The following CFH variants were observed in gnomAD, a reference collection of about 807,000 sequenced individuals.
CFH encodes the protein complement factor H.
In CFH, 53 loss-of-function variants were observed where a neutral mutation model predicts 147.3. The observed-to-expected ratio is 0.36, with a 90% CI of 0.29 to 0.45. The LOEUF (loss-of-function observed/expected upper bound fraction) is 0.45, where lower values mean the gene tolerates loss of function less well. Ranked by LOEUF, CFH falls within the 20% of genes least tolerant of loss-of-function variation. The pLI is 1.00. For synonymous variants in CFH, 536 were observed against 489.4 expected, an observed-to-expected ratio of 1.10 and a Z score of -1.26; for missense variants, 1,380 against 1,498.0, an observed-to-expected ratio of 0.92 and a Z score of 1.30.
chr1:196,744,636 G>GT (rs1652938529), intron 20 of CFH, among the ~76,000 whole-genome samples: 1 of 152,052 alleles, frequency 6.6e-6, no homozygotes, highest in Non-Finnish European at 1.5e-5. Context: ...TCTCCACGTT[G>GT]TAAGTATAAA....
rs781020985 is a variant in CFH at position 196,726,804 on chromosome 1, C to T, written c.2100C>T (p.Gly700=). The change falls in exon 14 of 22, where the codon GGC becomes GGT. Residue 700 remains glycine, a synonymous_variant. Coordinates refer to ENST00000367429, the MANE Select transcript of CFH (RefSeq NM_000186.4). ...TCGDIPELEH[G]WAQLSSPPYY... ...GAGATATACCTGAACTTGAACATGGCTGGGCCCAGCTTTCTTCCCCTCCTT... is the reference window on the plus strand; with the variant it reads ...GAGATATACCTGAACTTGAACATGGTTGGGCCCAGCTTTCTTCCCCTCCTT... 6.2e-7 allele frequency: 1 copy of T among 1,613,834 alleles called. No homozygotes were observed. The highest frequency in any genetic ancestry group is 1.1e-5 in the South Asian group (1 of 91,084).
At position 196,726,926 on chromosome 1, in the gene CFH, T is replaced by A; in HGVS notation, c.2222T>A (p.Leu741His). The change falls in exon 14 of 22, where the codon CTT becomes CAT. Residue 741 changes from leucine to histidine, a missense_variant. Around this residue, in one of 4 missense-constraint regions of CFH, gnomAD observed 830 missense variants for 821.4 expected, o/e 1.01. Transcript: ENST00000367429. The stretch of plus-strand genomic sequence containing the variant: ...TGTATTCATGGAGTATGGACCCAAC[T>A]TCCCCAGTGTGTGGGTGAGAATACC... ...ITCIHGVWTQ[L>H]PQCVAIDKLK... The A allele has an allele frequency of 1.2e-6, 2 of 1,613,088 alleles. No individual in the cohort carries two copies. Among genetic ancestry groups the A allele is most frequent in the Non-Finnish European group, 1.7e-6 (2 of 1,179,190 alleles).
intron 9 of CFH, among the ~76,000 whole-genome samples, chr1:196,696,228 A>G (rs556865886): frequency 1.3e-5 from 2 of 152,250 alleles, no homozygotes; most frequent in Non-Finnish European, 2.9e-5. Context: ...CTCCCCAGCA[A>G]ACGCAAAAGA....
intron 20 of CFH, among the ~76,000 whole-genome samples, chr1:196,744,593 G>T (rs1652936630): frequency 6.6e-6 from 1 of 151,990 alleles, no homozygotes; most frequent in East Asian, 1.9e-4. Context: ...ACTGGAATAT[G>T]GAAACCTTAC....
At chr1:196,738,168 A>C (rs1333102450) in intron 17 of CFH, among the ~76,000 whole-genome samples, 1 of 152,190 alleles carries the variant, frequency 6.6e-6, no homozygotes, top group Non-Finnish European at 1.5e-5. Context: ...CCATTATTCA[A>C]CTACTTCCTA....
At position 196,725,277 on chromosome 1, in the gene CFH, C is replaced by G; in HGVS notation, c.1853C>G (p.Pro618Arg). The change falls in exon 12 of 22, where the codon CCT becomes CGT. Residue 618 changes from proline to arginine, a missense_variant. Transcript: ENST00000367429. Reference protein sequence around the residue: ...SVQCYHFGLSPDLPICKEQVQ... With the variant: ...SVQCYHFGLSRDLPICKEQVQ... ...CAGTGCTACCACTTTGGATTGTCTC[C>G]TGACCTCCCAATATGTAAAGGTGAA... 1 of 1,613,814 alleles carries G rather than the reference C, an allele frequency of 6.2e-7. No homozygotes were observed. The highest frequency in any genetic ancestry group is 8.5e-7 in the Non-Finnish European group (1 of 1,179,832).
intron 9 of CFH, among the ~76,000 whole-genome samples, chr1:196,694,083 A>T (rs1358441101): frequency 6.6e-6 from 1 of 151,612 alleles, no homozygotes; most frequent in Non-Finnish European, 1.5e-5. Flanking sequence ...GGTTTGCTGC[A>T]CCCATCAACC....
intron 11 of CFH, among the ~76,000 whole-genome samples, chr1:196,718,861 T>C (rs1668933101): frequency 1.3e-5 from 2 of 152,018 alleles, no homozygotes; most frequent in Admixed American, 1.3e-4. Context: ...TAACTAGGAA[T>C]TTGCTAGTAT....
chr1:196,708,623 A>G (rs1668651330), intron 9 of CFH, among the ~76,000 whole-genome samples: 1 of 151,926 alleles, frequency 6.6e-6, no homozygotes, highest in Admixed American at 6.6e-5. Context: ...GAAAAAATCC[A>G]TCAATAAATG....
intron 9 of CFH, among the ~76,000 whole-genome samples, chr1:196,695,265 T>C (rs1278179094): frequency 6.6e-6 from 1 of 152,186 alleles, no homozygotes; most frequent in Non-Finnish European, 1.5e-5. Flanking sequence ...CAATAGGGAA[T>C]CTTTTCCCTA....
intron 9 of CFH, among the ~76,000 whole-genome samples, chr1:196,698,709 T>A (rs1668361317): frequency 6.6e-6 from 1 of 152,132 alleles, no homozygotes; most frequent in Non-Finnish European, 1.5e-5. Context: ...GAAGGTCTCC[T>A]CCTTAACTCA....
At chr1:196,721,451 C>G (rs1668996543) in intron 11 of CFH, among the ~76,000 whole-genome samples, 1 of 151,972 alleles carries the variant, frequency 6.6e-6, no homozygotes, top group Non-Finnish European at 1.5e-5. Context: ...ATTTTGGGAA[C>G]TTGCTTTGTA....
chr1:196,728,407 A>T lies in CFH; in HGVS notation c.2298A>T (p.Lys766Asn). The change falls in exon 15 of 22, where the codon AAA becomes AAT. Residue 766 changes from lysine to asparagine, a missense_variant. This residue lies in a region of CFH where 830 missense variants were observed against 821.4 expected (regional missense o/e 1.01). Coordinates refer to ENST00000367429, the MANE Select transcript of CFH (RefSeq NM_000186.4). ...SNLIILEEHL[K>N]NKKEFDHNSN... is the part of the protein sequence containing the mutation. The stretch of plus-strand genomic sequence containing the variant: ...TAATTATACTTGAGGAACATTTAAA[A>T]AACAAGAAGGAATTCGATCATAATT... 6.2e-7 allele frequency: 1 copy of T among 1,605,756 alleles called. No homozygotes were observed. Among genetic ancestry groups the T allele is most frequent in the Non-Finnish European group, 8.5e-7 (1 of 1,174,220 alleles).
chr1:196,699,071 T>C (rs2149095174), intron 9 of CFH, among the ~76,000 whole-genome samples: 1 of 152,290 alleles, frequency 6.6e-6, no homozygotes, highest in Non-Finnish European at 1.5e-5. Context: ...ATAAGAGCTA[T>C]TTTTTAAAAA....
chr1:196,700,490 C>T (rs1449713489), intron 9 of CFH, among the ~76,000 whole-genome samples: 1 of 151,848 alleles, frequency 6.6e-6, no homozygotes, highest in Non-Finnish European at 1.5e-5. Flanking sequence ...CCTGTCTCTA[C>T]TAGAAATACA....
At chr1:196,720,164 G>T (rs1668966014) in intron 11 of CFH, among the ~76,000 whole-genome samples, 1 of 151,744 alleles carries the variant, frequency 6.6e-6, no homozygotes, top group African/African-American at 2.4e-5. Context: ...CATTGACTCT[G>T]CAATGACAGA....
rs757740317 is a variant in CFH, at chr1:196,726,747, TA to T, written c.2057-10del. 1 of 1,613,618 alleles carries T rather than the reference TA, an allele frequency of 6.2e-7. No homozygotes were observed. The highest frequency in any genetic ancestry group is 1.7e-5 in the Admixed American group (1 of 59,992). On this transcript the variant is annotated splice_polypyrimidine_tract_variant and intron_variant, in intron 13 of 21. Coordinates refer to ENST00000367429, the MANE Select transcript of CFH (RefSeq NM_000186.4). Reference sequence around the variant, plus strand: ...ATGTTTTCACAATAAACTTTTTTTGTAAAATTTACATAGTGGAGGAGAGTAC... The same window carrying T: ...ATGTTTTCACAATAAACTTTTTTTGTAAATTTACATAGTGGAGGAGAGTAC...
chr1:196,673,527 G>A (rs1667355096), intron 2 of CFH: 1 of 372,264 alleles, frequency 2.7e-6, no homozygotes, highest in Admixed American at 4.0e-5. Context: ...AGTAGAGATG[G>A]GGTTTCACCA....
intron 15 of CFH, among the ~76,000 whole-genome samples, chr1:196,732,207 T>C (rs1669296377): frequency 1.3e-5 from 2 of 152,060 alleles, no homozygotes; most frequent in South Asian, 4.1e-4. Flanking sequence ...TTCTCAGATT[T>C]GGTGATTTTC....
Sources: allele counts gnomAD v4.1 joint callset (sites outside exome capture counted in the v4.1 genomes callset), GRCh38; gene constraint gnomAD v4.1.1; regional missense constraint gnomAD v4.1.1; transcripts MANE v1.5; gene names NCBI Gene and HGNC (gene_info 2026-07-23, HGNC 2026-07-21).